The following RANBP2 variants were observed in gnomAD, a reference collection of about 807,000 sequenced individuals.
RANBP2 encodes the protein E3 SUMO-protein ligase RanBP2.
A neutral mutation model predicts 303.6 loss-of-function variants in RANBP2; 57 were observed. The ratio of observed to expected loss-of-function variants is 0.19; its 90% CI spans 0.15 to 0.23. The LOEUF is 0.23. RANBP2 is among the 10% of genes least tolerant of loss of function. The pLI is 1.00. For missense variants in RANBP2, 3,138 were observed against 3,780.8 expected, an observed-to-expected ratio of 0.83 and a Z score of 4.46; for synonymous variants, 1,167 against 1,301.5, an observed-to-expected ratio of 0.90 and a Z score of 2.23.
the RANBP2 span, among the ~76,000 whole-genome samples, chr2:109,010,374 A>G: frequency 1.9e-5 from 2 of 107,468 alleles, no homozygotes; most frequent in South Asian, 6.4e-4. Context: ...CTTTCTCCCC[A>G]GTTCAGCTGT....
the RANBP2 span, chr2:109,251,498 A>G: frequency 1.3e-5 from 10 of 742,384 alleles, no homozygotes. Flanking sequence ...GGTGGCAGAC[A>G]TGTCCAAGGA....
chr2:108,723,568 C>T (rs916636366), intron 1 of RANBP2, among the ~76,000 whole-genome samples: 2 of 152,306 alleles, frequency 1.3e-5, no homozygotes, highest in East Asian at 1.9e-4. Context: ...AGCCACCGCG[C>T]CGGGCCCCAT....
chr2:109,581,162 G>A, the RANBP2 span, among the ~76,000 whole-genome samples: 25 of 152,284 alleles, frequency 1.6e-4, no homozygotes, highest in African/African-American at 4.3e-4. Flanking sequence ...AAGTTAGGCC[G>A]GGAGAGGTGG....
At chr2:109,249,599 T>A in the RANBP2 span, among the ~76,000 whole-genome samples, 1 of 144,482 alleles carries the variant, frequency 6.9e-6, no homozygotes, top group Non-Finnish European at 1.5e-5. Flanking sequence ...CTTTCTTTCT[T>A]TTTCTTTCTT....
chr2:109,313,734 T>C, the RANBP2 span: 1 of 155,012 alleles, frequency 6.5e-6, no homozygotes, highest in African/African-American at 2.4e-5. Flanking sequence ...TGCCTTGAGC[T>C]GAAAGGTGCT....
chr2:108,944,204 C>T, the RANBP2 span, among the ~76,000 whole-genome samples: 2 of 152,182 alleles, frequency 1.3e-5, no homozygotes, highest in Non-Finnish European at 1.5e-5. Flanking sequence ...ACCTCTGCCT[C>T]CTGGGCTCAG....
the RANBP2 span, among the ~76,000 whole-genome samples, chr2:108,939,060 G>A: frequency 6.6e-6 from 1 of 152,036 alleles, no homozygotes; most frequent in Non-Finnish European, 1.5e-5. Context: ...TTACAGGCAT[G>A]AGCCACCGTG....
At chr2:109,412,701 C>T in the RANBP2 span, among the ~76,000 whole-genome samples, 1 of 152,244 alleles carries the variant, frequency 6.6e-6, no homozygotes, top group Non-Finnish European at 1.5e-5. Flanking sequence ...CTCTGTTATT[C>T]TTCTCATACC....
chr2:109,424,263 T>G, the RANBP2 span, among the ~76,000 whole-genome samples: 43 of 152,190 alleles, frequency 2.8e-4, no homozygotes, highest in African/African-American at 7.5e-4. Flanking sequence ...GGCTGCCCTT[T>G]GAAGGGGCAG....
At chr2:109,421,668 A>G in the RANBP2 span, among the ~76,000 whole-genome samples, 7 of 152,206 alleles carry the variant, frequency 4.6e-5, no homozygotes, top group Non-Finnish European at 7.4e-5. Context: ...CCCCCAGGGG[A>G]GGGCACTTTC....
chr2:109,514,480 G>A, the RANBP2 span, among the ~76,000 whole-genome samples: 3 of 152,188 alleles, frequency 2.0e-5, no homozygotes, highest in African/African-American at 7.2e-5. Context: ...GGCCCTGTAC[G>A]AGTTCAGTGT....
the RANBP2 span, among the ~76,000 whole-genome samples, chr2:108,984,859 C>CTGAA: frequency 2.0e-5 from 3 of 152,190 alleles, no homozygotes; most frequent in African/African-American, 7.2e-5. Flanking sequence ...AAAACATTTG[C>CTGAA]TGAATGAATG....
intron 13 of RANBP2, 63 bp downstream of exon 13, chr2:108,753,222 A>G (rs1298405100): frequency 7.5e-5 from 120 of 1,610,504 alleles, no homozygotes; most frequent in East Asian, 2.0e-4. Flanking sequence ...ACAAAGACAT[A>G]GAGCTATACA....
At chr2:108,900,017 T>A in the RANBP2 span, among the ~76,000 whole-genome samples, 1 of 152,092 alleles carries the variant, frequency 6.6e-6, no homozygotes, top group African/African-American at 2.4e-5. Flanking sequence ...ACCAGTAGAC[T>A]GATAAGTTAT....
the RANBP2 span, among the ~76,000 whole-genome samples, chr2:109,562,384 A>C: frequency 2.7e-5 from 4 of 147,978 alleles, no homozygotes; most frequent in Admixed American, 1.3e-4. Flanking sequence ...CCCTCCCCCA[A>C]CTCTCTTCTT....
At chr2:109,048,609 A>G in the RANBP2 span, among the ~76,000 whole-genome samples, 14 of 151,878 alleles carry the variant, frequency 9.2e-5, no homozygotes, top group African/African-American at 3.1e-4. Context: ...CTCTTTTGAG[A>G]CCATTCATAT....
At chr2:108,803,465 C>G in the RANBP2 span, among the ~76,000 whole-genome samples, 3 of 152,114 alleles carry the variant, frequency 2.0e-5, no homozygotes, top group South Asian at 2.1e-4. Flanking sequence ...GTTTTAGAGA[C>G]AGAGTCTTGC....
chr2:109,388,606 C>T, the RANBP2 span, among the ~76,000 whole-genome samples: 4 of 152,222 alleles, frequency 2.6e-5, no homozygotes, highest in African/African-American at 9.6e-5. Context: ...GCTGCATGCA[C>T]ATGCAAATGC....
the RANBP2 span, among the ~76,000 whole-genome samples, chr2:109,375,417 A>T: frequency 2.6e-5 from 4 of 152,062 alleles, no homozygotes; most frequent in Non-Finnish European, 5.9e-5. Flanking sequence ...GCCTAGGCTG[A>T]CCCTGCCCCA....
Sources: allele counts gnomAD v4.1 joint callset (sites outside exome capture counted in the v4.1 genomes callset), GRCh38; gene constraint gnomAD v4.1.1; transcripts MANE v1.5; gene names NCBI Gene and HGNC (gene_info 2026-07-23, HGNC 2026-07-21).